VWA8: variants seen among roughly 807,000 people sequenced by gnomAD.
VWA8 encodes the protein von Willebrand factor A domain containing 8.
VWA8 carries 221 observed loss-of-function variants against 241.5 expected under a neutral mutation model. The ratio of observed to expected loss-of-function variants is 0.91; its 90% CI spans 0.82 to 1.02. The LOEUF is 1.02. Among genes scored for constraint, VWA8 ranks in the 50% least tolerant of loss-of-function variants. The pLI, the probability that VWA8 is intolerant of heterozygous loss-of-function variation, is 0.00. For synonymous variants in VWA8, 852 were observed against 827.1 expected (o/e 1.03, Z -0.52); for missense variants, 2,322 against 2,328.7 (o/e 1.00, Z 0.06).
intron 42 of VWA8, among the ~76,000 whole-genome samples, chr13:41,577,845 T>TA (rs2044360326): frequency 6.6e-6 from 1 of 152,216 alleles, no homozygotes. Flanking sequence ...TCTTTCTAAT[T>TA]AGATGATAGT....
intron 12 of VWA8, 91 bp from the exon 13 acceptor site, chr13:41,833,622 C>T (rs1871581703): frequency 7.4e-7 from 1 of 1,356,698 alleles, no homozygotes; most frequent in Non-Finnish European, 9.7e-7. Context: ...AGAGTCACCT[C>T]CGTCTGAACT....
At chr13:41,957,572 C>T (rs567845147) in intron 1 of VWA8, among the ~76,000 whole-genome samples, 6 of 152,070 alleles carry the variant, frequency 3.9e-5, no homozygotes, top group Non-Finnish European at 8.8e-5. Context: ...CTCCACTGCA[C>T]TCCAGCCTGG....
intron 40 of VWA8, among the ~76,000 whole-genome samples, chr13:41,595,375 TTTTC>T (rs2044481617): frequency 6.6e-6 from 1 of 152,106 alleles, no homozygotes; most frequent in Non-Finnish European, 1.5e-5. Flanking sequence ...TCTGCTGCCT[TTTTC>T]TTTCTTTTTG....
chr13:41,938,586 G>T (rs1225529985), intron 2 of VWA8, among the ~76,000 whole-genome samples: 1 of 152,004 alleles, frequency 6.6e-6, no homozygotes, highest in Non-Finnish European at 1.5e-5. Context: ...AGGAAGCAGA[G>T]GTTGCAGTGA....
At chr13:41,777,737 G>T (rs1187665235) in intron 20 of VWA8, among the ~76,000 whole-genome samples, 1 of 152,180 alleles carries the variant, frequency 6.6e-6, no homozygotes, top group Non-Finnish European at 1.5e-5. Context: ...GGGCTAGAGT[G>T]ACAGATGTGG....
chr13:41,747,009 T>G (rs7335630), intron 21 of VWA8, among the ~76,000 whole-genome samples: 2,067 of 152,302 alleles, frequency 0.014, 13 homozygotes, highest in South Asian at 0.019. Flanking sequence ...AGCCTTGTAA[T>G]ATAGTTTGAA....
intron 4 of VWA8, among the ~76,000 whole-genome samples, chr13:41,897,960 G>C (rs538350300): frequency 6.6e-6 from 1 of 152,216 alleles, no homozygotes; most frequent in Non-Finnish European, 1.5e-5. Context: ...TGACTGGTGC[G>C]TTTACAATCC....
At chr13:41,583,171 C>T (rs952199537) in intron 42 of VWA8, among the ~76,000 whole-genome samples, 4 of 152,136 alleles carry the variant, frequency 2.6e-5, no homozygotes, top group African/African-American at 9.7e-5. Context: ...GCCTGGGGAG[C>T]CCTAGCAGAG....
intron 39 of VWA8, among the ~76,000 whole-genome samples, chr13:41,610,055 A>G (rs2044577610): frequency 6.6e-6 from 1 of 152,132 alleles, no homozygotes; most frequent in South Asian, 2.1e-4. Flanking sequence ...CCTGTGAACT[A>G]TGTGTGTGCC....
At chr13:41,802,549 C>A (rs1870007896) in intron 17 of VWA8, among the ~76,000 whole-genome samples, 1 of 152,212 alleles carries the variant, frequency 6.6e-6, no homozygotes, top group South Asian at 2.1e-4. Flanking sequence ...TTCCTCAACT[C>A]CAGGCAGCAC....
At chr13:41,876,689 G>T (rs566044734) in intron 9 of VWA8, among the ~76,000 whole-genome samples, 1 of 152,116 alleles carries the variant, frequency 6.6e-6, no homozygotes, top group Non-Finnish European at 1.5e-5. Context: ...TAATTGATTG[G>T]ATGGAAGGAT....
Position 41,684,752 on chromosome 13 carries a change from C to T in VWA8, c.4327+295G>A, listed in dbSNP as rs144753215. ...CAAAAGGCAGGCCTCAGTTTCTATG[C>T]CTAATATACTAAGACTTTTTAAAAG... On this transcript the variant is annotated intron_variant, in intron 35 of 44. Coordinates refer to ENST00000379310, the MANE Select transcript of VWA8 (RefSeq NM_015058.2). Among the ~76,000 whole-genome samples, 654 of 152,210 alleles carry T rather than the reference C, an allele frequency of 4.3e-3. 3 individuals are homozygous for T. Among genetic ancestry groups the T allele is most frequent in the Middle Eastern group, 0.02 (6 of 294 alleles).
intron 1 of VWA8, among the ~76,000 whole-genome samples, chr13:41,951,308 T>C (rs1011845534): frequency 1.3e-5 from 2 of 152,040 alleles, no homozygotes; most frequent in African/African-American, 4.8e-5. Flanking sequence ...TCCCAGCTAC[T>C]TGGGAGGCTG....
intron 26 of VWA8, among the ~76,000 whole-genome samples, chr13:41,709,771 CTTTTT>C (rs67056755): frequency 3.5e-5 from 5 of 143,936 alleles, no homozygotes; most frequent in Middle Eastern, 3.3e-3. Flanking sequence ...GTCTCTCTCT[CTTTTT>C]TTTTTTTTTT....
chr13:41,854,972 T>A (rs1872678348), intron 12 of VWA8, among the ~76,000 whole-genome samples: 1 of 152,102 alleles, frequency 6.6e-6, no homozygotes, highest in Non-Finnish European at 1.5e-5. Context: ...AGGCTGGAGT[T>A]ATAAGGTAAA....
intron 20 of VWA8, among the ~76,000 whole-genome samples, chr13:41,776,777 C>T (rs956199280): frequency 3.3e-5 from 5 of 152,114 alleles, no homozygotes; most frequent in African/African-American, 1.2e-4. Context: ...AGTCACACAA[C>T]CATATGTGGA....
intron 20 of VWA8, among the ~76,000 whole-genome samples, chr13:41,761,548 T>C (rs893257012): frequency 6.6e-6 from 1 of 152,096 alleles, no homozygotes; most frequent in African/African-American, 2.4e-5. Context: ...TTGAAGAATG[T>C]CATCAAAGGT....
At chr13:41,631,458 C>A (rs2044726440) in intron 37 of VWA8, among the ~76,000 whole-genome samples, 1 of 152,110 alleles carries the variant, frequency 6.6e-6, no homozygotes, top group South Asian at 2.1e-4. Context: ...GAGCTCCTCA[C>A]TGGGCCTTAC....
chr13:41,622,529 T>C (rs901792908), intron 37 of VWA8, among the ~76,000 whole-genome samples: 4 of 152,206 alleles, frequency 2.6e-5, no homozygotes, highest in African/African-American at 9.6e-5. Context: ...TTATGGCCCC[T>C]TATAACTTTT....
Sources: gnomAD v4.1 joint callset for allele counts (sites outside exome capture counted in the v4.1 genomes callset) on GRCh38, gnomAD v4.1.1 for gene constraint, MANE v1.5 for transcripts, NCBI Gene and HGNC (gene_info 2026-07-23, HGNC 2026-07-21) for gene names.